MAPK10: variants seen among roughly 807,000 people sequenced by gnomAD.
The protein encoded by MAPK10 is JNK3 alpha protein kinase.
A neutral mutation model predicts 59.3 loss-of-function variants in MAPK10; 25 were observed. The ratio of observed to expected loss-of-function variants is 0.42; its 90% CI spans 0.31 to 0.59. MAPK10 has a LOEUF of 0.59. Ranked by LOEUF, MAPK10 falls within the 20% of genes least tolerant of loss-of-function variation. The pLI, the probability that MAPK10 is intolerant of heterozygous loss-of-function variation, is 0.15. For missense variants in MAPK10, 351 were observed against 568.9 expected (o/e 0.62, Z 3.90); for synonymous variants, 190 against 200.5 (o/e 0.95, Z 0.44).
At chr4:86,072,118 A>C (rs1217572065) in intron 9 of MAPK10, among the ~76,000 whole-genome samples, 1 of 150,018 alleles carries the variant, frequency 6.7e-6, no homozygotes, top group Non-Finnish European at 1.5e-5. Context: ...ATCCCTTGTA[A>C]GTTGGATTCC....
chr4:86,086,240 A>G (rs935501288), intron 9 of MAPK10, among the ~76,000 whole-genome samples: 1 of 152,168 alleles, frequency 6.6e-6, no homozygotes, highest in East Asian at 1.9e-4. Flanking sequence ...AAGGATGGTT[A>G]CCAGAGGCTG....
chr4:86,327,287 T>C (rs1345862254), intron 2 of MAPK10: 1 of 152,142 alleles, frequency 6.6e-6, no homozygotes, highest in African/African-American at 2.4e-5. Context: ...AAGTCAAATA[T>C]TTCATTAAAT....
intron 13 of MAPK10, chr4:86,024,126 A>G (rs1055311700): frequency 3.3e-5 from 5 of 152,062 alleles, no homozygotes; most frequent in Non-Finnish European, 5.9e-5. Flanking sequence ...TATTGTCACA[A>G]TTAAAGTTGA....
intron 1 of MAPK10, among the ~76,000 whole-genome samples, chr4:86,556,380 AT>A (rs535230061): frequency 2.9e-3 from 438 of 151,824 alleles, no homozygotes; most frequent in Non-Finnish European, 5.1e-3. Context: ...GAAATGCTTT[AT>A]TTTTTTTACA....
intron 3 of MAPK10, among the ~76,000 whole-genome samples, chr4:86,173,471 C>T (rs9762809): frequency 0.085 from 12,892 of 151,946 alleles, 1,210 homozygotes; most frequent in African/African-American, 0.23. Flanking sequence ...AAAATTAACT[C>T]GAGATGGATT....
intron 2 of MAPK10, among the ~76,000 whole-genome samples, chr4:86,332,956 G>A (rs1223721576): frequency 6.6e-6 from 1 of 152,094 alleles, no homozygotes; most frequent in Non-Finnish European, 1.5e-5. Flanking sequence ...TGGCTGCGGA[G>A]TTTTGTTTGT....
Position 86,159,383 on chromosome 4 carries a change from C to A in MAPK10, c.151G>T (p.Val51Leu). ...KSKVDNQFYS[V>L]EVGDSTFTVL... ...GTGAAGGTTGAGTCTCCCACTTCCA[C>A]ACTGTAGAACTGGTTGTCAACTTTG... The change falls in exon 4 of 14, where the codon GTG (valine) becomes TTG (leucine). Residue 51 changes from valine to leucine, a missense_variant. Around this residue, in one of 5 missense-constraint regions of MAPK10, gnomAD observed 61 missense variants for 58.4 expected, o/e 1.05. Coordinates refer to ENST00000641462, the MANE Select transcript of MAPK10 (RefSeq NM_138982.4). The A allele has an allele frequency of 6.2e-7, 1 of 1,612,872 alleles. No individual in the cohort carries two copies. The highest frequency in any genetic ancestry group is 8.5e-7 in the Non-Finnish European group (1 of 1,179,186).
intron 9 of MAPK10, among the ~76,000 whole-genome samples, chr4:86,093,167 T>A (rs1190767314): frequency 6.6e-6 from 1 of 152,040 alleles, no homozygotes; most frequent in Admixed American, 6.6e-5. Context: ...CCACACTCCA[T>A]CTAATAGCTT....
chr4:86,167,775 T>A (rs2072333519), intron 3 of MAPK10, among the ~76,000 whole-genome samples: 1 of 152,074 alleles, frequency 6.6e-6, no homozygotes. Context: ...AACCCACAAC[T>A]GAATGGGCAA....
intron 3 of MAPK10, among the ~76,000 whole-genome samples, chr4:86,169,220 CTT>C (rs1392035167): frequency 1.3e-5 from 2 of 152,230 alleles, no homozygotes; most frequent in Non-Finnish European, 2.9e-5. Flanking sequence ...CAGAGAATGA[CTT>C]TGACGAGTTG....
intron 2 of MAPK10, among the ~76,000 whole-genome samples, chr4:86,309,154 T>C (rs571455738): frequency 3.9e-5 from 6 of 152,332 alleles, no homozygotes; most frequent in African/African-American, 1.4e-4. Flanking sequence ...TGCCCCTATT[T>C]TGGTTTTTTG....
intron 1 of MAPK10, among the ~76,000 whole-genome samples, chr4:86,522,297 C>T (rs78629770): frequency 0.047 from 7,123 of 152,156 alleles, 219 homozygotes; most frequent in African/African-American, 0.059. Flanking sequence ...TCCCAGAAAG[C>T]CCAGACATGT....
At chr4:86,446,060 T>C (rs558387017) in intron 1 of MAPK10, among the ~76,000 whole-genome samples, 1 of 152,294 alleles carries the variant, frequency 6.6e-6, no homozygotes, top group Admixed American at 6.5e-5. Context: ...GATGATCGAT[T>C]ATAGCTTATG....
At chr4:86,560,557 T>C (rs1760599696) in intron 1 of MAPK10, among the ~76,000 whole-genome samples, 2 of 152,248 alleles carry the variant, frequency 1.3e-5, no homozygotes, top group Admixed American at 1.3e-4. Flanking sequence ...TGGTTCTATC[T>C]GAAAGCGTGA....
At chr4:86,224,163 T>C (rs904848562) in intron 2 of MAPK10, among the ~76,000 whole-genome samples, 11 of 152,174 alleles carry the variant, frequency 7.2e-5, no homozygotes, top group African/African-American at 2.7e-4. Flanking sequence ...TGTTTTCATG[T>C]AAAAAATATT....
chr4:86,124,554 T>G (rs951606575), intron 4 of MAPK10: 8 of 151,920 alleles, frequency 5.3e-5, no homozygotes, highest in Admixed American at 2.6e-4. Flanking sequence ...CTTGAAACTT[T>G]TAAGGAATAG....
chr4:86,450,224 CA>C (rs1750545284), intron 1 of MAPK10, among the ~76,000 whole-genome samples: 1 of 152,146 alleles, frequency 6.6e-6, no homozygotes, highest in Non-Finnish European at 1.5e-5. Context: ...TATCTCTTAC[CA>C]TTTAGTAAAT....
intron 1 of MAPK10, among the ~76,000 whole-genome samples, chr4:86,550,833 C>G: frequency 6.6e-6 from 1 of 152,144 alleles, no homozygotes; most frequent in Non-Finnish European, 1.5e-5. Flanking sequence ...GTTGGTCCAC[C>G]TTCTAGGCTA....
rs182466434 is a variant in MAPK10 at position 86,160,794 on chromosome 4, G to A, written c.67-1327C>T. Reference sequence around the variant, plus strand: ...ACATACACTAACTTTTCTGAAAATCGAATTCTGATATAATTTGAAAGATTT... The same window carrying A: ...ACATACACTAACTTTTCTGAAAATCAAATTCTGATATAATTTGAAAGATTT... On this transcript the variant is annotated intron_variant, in intron 3 of 13. Transcript: ENST00000641462. Among the ~76,000 whole-genome samples the A allele has an allele frequency of 4.2e-4, 64 of 152,096 alleles. No individual in the cohort carries two copies. In the East Asian group the frequency reaches 9.6e-3, roughly 23 times the overall value.
Sources: allele counts gnomAD v4.1 joint callset (sites outside exome capture counted in the v4.1 genomes callset), GRCh38; gene constraint gnomAD v4.1.1; regional missense constraint gnomAD v4.1.1; transcripts MANE v1.5; gene names NCBI Gene and HGNC (gene_info 2026-07-23, HGNC 2026-07-21).